LOXHD1: variants seen among roughly 807,000 people sequenced by gnomAD.
LOXHD1 encodes the protein lipoxygenase homology PLAT domains 1.
LOXHD1 carries 205 observed loss-of-function variants against 248.2 expected under a neutral mutation model. That is an observed-to-expected ratio of 0.83 (90% CI 0.74 to 0.93). The LOEUF (loss-of-function observed/expected upper bound fraction) is 0.93. LOXHD1 is among the 40% of genes least tolerant of loss of function. The probability of loss-of-function intolerance (pLI) is 0.00; values close to 1 mark genes in which losing one functional copy is unlikely to be tolerated. For synonymous variants in LOXHD1, 1,113 were observed against 1,162.8 expected (o/e 0.96, Z 0.87); for missense variants, 2,930 against 2,971.6 (o/e 0.99, Z 0.33).
intron 14 of LOXHD1, among the ~76,000 whole-genome samples, chr18:46,574,388 T>TACACATACACACACACACACACAC (rs2031973818): frequency 2.4e-5 from 3 of 125,242 alleles, no homozygotes; most frequent in Admixed American, 1.6e-4. Context: ...TGTGTACACA[T>TACACATACACACACACACACACAC]ACACACACAC....
At chr18:46,571,017 G>A (rs1229458900) in intron 15 of LOXHD1, among the ~76,000 whole-genome samples, 11 of 152,172 alleles carry the variant, frequency 7.2e-5, no homozygotes, top group African/African-American at 2.7e-4. Flanking sequence ...ACACAACTGG[G>A]TTTGCTGGGG....
In LOXHD1 at chr18:46,592,061, A is replaced by C. The variant is rs1388053286; in HGVS notation, c.1526T>G (p.Leu509Arg). Reference sequence around the variant, plus strand: ...CTTGTCTTTGTTCAGAGTGTTCATCAGGGTCATCTGGAATGAAGTTCTGGG... The same window carrying C: ...CTTGTCTTTGTTCAGAGTGTTCATCCGGGTCATCTGGAATGAAGTTCTGGG... Reference protein sequence around the residue: ...GSGWHLERMTLMNTLNKDKYN... With the variant: ...GSGWHLERMTRMNTLNKDKYN... Residue 509 changes from leucine to arginine, a missense_variant, in exon 12 of 41, where the codon CTG (leucine) becomes CGG (arginine). By Grantham distance (102) the Leu-to-Arg change is moderately radical. Transcript: ENST00000642948. The C allele has an allele frequency of 1.3e-6, 2 of 1,552,306 alleles. No homozygotes were observed. The highest frequency in any genetic ancestry group is 1.7e-6 in the Non-Finnish European group (2 of 1,147,090).
At chr18:46,597,191 A>T (rs1033790808) in intron 8 of LOXHD1, among the ~76,000 whole-genome samples, 5 of 152,220 alleles carry the variant, frequency 3.3e-5, no homozygotes, top group Admixed American at 3.3e-4. Context: ...GCCAAAAAAG[A>T]GTAAAGATAT....
intron 37 of LOXHD1, among the ~76,000 whole-genome samples, chr18:46,499,809 G>T (rs1209301235): frequency 6.6e-6 from 1 of 152,092 alleles, no homozygotes; most frequent in Non-Finnish European, 1.5e-5. Context: ...GCTGTACAAC[G>T]ACATTTTTAA....
At position 46,635,336 on chromosome 18, in the gene LOXHD1, C is replaced by A. The variant is rs77454814; in HGVS notation, c.511+4280G>T. 1.4e-3 allele frequency among the ~76,000 whole-genome samples: 206 copies of A among 152,170 alleles called. 5 individuals are homozygous for A. In the East Asian group the frequency reaches 0.025, roughly 18 times the overall value. On this transcript the variant is annotated intron_variant, in intron 4 of 40. Transcript: ENST00000642948. ...GACAGCAGGAGGTTGTCCCAACTAA[C>A]CCCCACAATCCCCACAATCACAGGC...
intron 18 of LOXHD1, among the ~76,000 whole-genome samples, chr18:46,561,155 C>T (rs1198652428): frequency 6.6e-6 from 1 of 152,230 alleles, no homozygotes; most frequent in Non-Finnish European, 1.5e-5. Context: ...GAGCACATGG[C>T]CTCAGCCTGA....
At chr18:46,483,503 C>T (rs2032756407) in intron 40 of LOXHD1, 84 bp downstream of exon 40, 2 of 1,495,934 alleles carry the variant, frequency 1.3e-6, no homozygotes, top group Non-Finnish European at 1.8e-6. Context: ...CTCATCATAC[C>T]CTGCTCTCTT....
At chr18:46,628,523 C>T (rs2038776662) in intron 4 of LOXHD1, among the ~76,000 whole-genome samples, 1 of 152,206 alleles carries the variant, frequency 6.6e-6, no homozygotes, top group South Asian at 2.1e-4. Flanking sequence ...GGAAAAGAGG[C>T]TTTCCCTGCT....
chr18:46,594,308 G>C (rs1386414657), intron 9 of LOXHD1, 23 bp downstream of exon 9: 1 of 1,551,158 alleles, frequency 6.4e-7, no homozygotes, highest in African/African-American at 1.4e-5. Flanking sequence ...GAGGCCTCCA[G>C]GTTCTGGGTC....
At chr18:46,650,549 T>A (rs751242534) in intron 1 of LOXHD1, among the ~76,000 whole-genome samples, 1 of 152,194 alleles carries the variant, frequency 6.6e-6, no homozygotes, top group African/African-American at 2.4e-5. Flanking sequence ...TCCGGTCTTT[T>A]CAGAGCAGAT....
At position 46,485,064 on chromosome 18, in the gene LOXHD1, T is replaced by G. The variant is rs1012932348; in HGVS notation, c.6137A>C (p.Lys2046Thr). The stretch of plus-strand genomic sequence containing the variant: ...AGAAGAATTTTCCATGAGAAACTCT[T>G]TGGATCGGTTCTTCCTGCCCTCCAG... ...LILEGRKNRSKEFLMENSSRQ... is the reference protein window; with the variant it reads ...LILEGRKNRSTEFLMENSSRQ... Residue 2046 changes from lysine to threonine, a missense_variant, in exon 39 of 41, where the codon AAA (lysine) becomes ACA (threonine). By Grantham distance (78) the Lys-to-Thr change is moderately conservative (BLOSUM62 -1). Transcript: ENST00000642948. 4.5e-6 allele frequency: 7 copies of G among 1,550,886 alleles called. No individual in the cohort carries two copies. Among genetic ancestry groups the G allele is most frequent in the Non-Finnish European group, 5.2e-6 (6 of 1,146,772 alleles).
chr18:46,546,867 G>A (rs2036864341), intron 22 of LOXHD1, 28 bp downstream of exon 22: 1 of 1,539,976 alleles, frequency 6.5e-7, no homozygotes, highest in Non-Finnish European at 8.8e-7. Flanking sequence ...GGGTGCTGGA[G>A]AAAGAAATCA....
At chr18:46,509,207 G>T (rs1363251060) in intron 35 of LOXHD1, among the ~76,000 whole-genome samples, 1 of 152,164 alleles carries the variant, frequency 6.6e-6, no homozygotes, top group Non-Finnish European at 1.5e-5. Flanking sequence ...AGAGCTTAAG[G>T]ATCCAGGTTC....
chr18:46,650,769 C>T (rs533789033), intron 1 of LOXHD1, among the ~76,000 whole-genome samples: 4 of 152,302 alleles, frequency 2.6e-5, no homozygotes, highest in African/African-American at 9.6e-5. Context: ...TTGGCAGGTA[C>T]TTTACAGATA....
intron 17 of LOXHD1, among the ~76,000 whole-genome samples, chr18:46,564,795 G>A (rs1011695105): frequency 6.6e-6 from 1 of 152,190 alleles, no homozygotes; most frequent in Non-Finnish European, 1.5e-5. Context: ...ATTACAAAGC[G>A]TGTGTATATA....
chr18:46,639,497 TG>T, intron 4 of LOXHD1, 118 bp downstream of exon 4: 2 of 1,252,534 alleles, frequency 1.6e-6, no homozygotes, highest in Non-Finnish European at 2.2e-6. Context: ...AGGAAGGCCC[TG>T]GAGGCATGCC....
intron 2 of LOXHD1, among the ~76,000 whole-genome samples, chr18:46,647,374 A>G (rs971120454): frequency 2.0e-5 from 3 of 152,210 alleles, no homozygotes; most frequent in Admixed American, 6.5e-5. Flanking sequence ...ACAAATGAAA[A>G]AGGGGAAGAA....
Position 46,646,370 on chromosome 18 carries a change from C to T in LOXHD1, c.245+2785G>A, listed in dbSNP as rs565871971. ...AATTCCTCAGAAAGCAATGCCCCTCCCAGACCTGCAGTTTCCATCTTGAAT... is the reference window on the plus strand; with the variant it reads ...AATTCCTCAGAAAGCAATGCCCCTCTCAGACCTGCAGTTTCCATCTTGAAT... On this transcript the variant is annotated intron_variant, in intron 2 of 40. Transcript: ENST00000642948. 1.8e-4 allele frequency among the ~76,000 whole-genome samples: 28 copies of T among 152,286 alleles called. No homozygotes were observed. In the East Asian group the frequency reaches 4.4e-3, roughly 24 times the overall value.
chr18:46,591,914 A>G lies in LOXHD1; in HGVS notation c.1654+19T>C. 6.4e-7 allele frequency: 1 copy of G among 1,551,402 alleles called. No individual in the cohort carries two copies. ...GGAGTTCCACTGCCTCCCAGGATGG[A>G]GAGCCTGTCAGTACTTACTGCCCAT... On this transcript the variant is annotated intron_variant, in intron 12 of 40. Coordinates refer to ENST00000642948, the MANE Select transcript of LOXHD1 (RefSeq NM_001384474.1).
Sources: allele counts gnomAD v4.1 joint callset (sites outside exome capture counted in the v4.1 genomes callset), GRCh38; gene constraint gnomAD v4.1.1; transcripts MANE v1.5; gene names NCBI Gene and HGNC (gene_info 2026-07-23, HGNC 2026-07-21).